PBX1: variants seen among roughly 807,000 people sequenced by gnomAD.
PBX1 encodes pre-B-cell leukemia transcription factor 1.
In PBX1, 6 loss-of-function variants were observed where a neutral mutation model predicts 53.4. The ratio of observed to expected loss-of-function variants is 0.11; its 90% CI spans 0.06 to 0.22. PBX1 has a LOEUF of 0.22. Ranked by LOEUF, PBX1 falls within the 10% of genes least tolerant of loss-of-function variation. PBX1 has a pLI of 1.00. For synonymous variants in PBX1, 204 were observed against 212.3 expected (o/e 0.96, Z 0.34); for missense variants, 251 against 551.4 (o/e 0.46, Z 5.46).
intron 2 of PBX1, among the ~76,000 whole-genome samples, chr1:164,755,725 A>G (rs943534756): frequency 6.6e-6 from 1 of 152,122 alleles, no homozygotes; most frequent in East Asian, 1.9e-4. Context: ...CTTTGCAGAG[A>G]TGGATGAGAC....
chr1:164,619,038 G>A (rs1657497631), intron 2 of PBX1, among the ~76,000 whole-genome samples: 1 of 152,186 alleles, frequency 6.6e-6, no homozygotes, highest in Non-Finnish European at 1.5e-5. Context: ...CCAGTAAGCA[G>A]AGAAAAGGGT....
At chr1:164,653,614 A>T (rs1659971337) in intron 2 of PBX1, among the ~76,000 whole-genome samples, 1 of 152,108 alleles carries the variant, frequency 6.6e-6, no homozygotes, top group Non-Finnish European at 1.5e-5. Context: ...CTACTAAAAA[A>T]CAAAAATTAG....
chr1:164,797,603 C>T (rs898900495), intron 3 of PBX1, among the ~76,000 whole-genome samples: 3 of 152,040 alleles, frequency 2.0e-5, no homozygotes, highest in Non-Finnish European at 4.4e-5. Flanking sequence ...TCTGTATAGG[C>T]CCACAGAGTA....
intron 2 of PBX1, chr1:164,626,209 C>T (rs1658031066): frequency 1.8e-6 from 1 of 549,462 alleles, no homozygotes; most frequent in Non-Finnish European, 2.4e-6. Flanking sequence ...GTTGAGGGAA[C>T]CACACATCTA....
rs931557116 is a variant in PBX1, at chr1:164,658,623, T to C, written c.265+95312T>C. The stretch of plus-strand genomic sequence containing the variant: ...CATGGTTCTTAGAGTCAAAACTGTT[T>C]GGCATTCCAGCCTGCTACATATCTA... On this transcript the variant is annotated intron_variant, in intron 2 of 8. Coordinates refer to ENST00000420696, the MANE Select transcript of PBX1 (RefSeq NM_002585.4). Among the ~76,000 whole-genome samples, 3 of 152,200 alleles carry C rather than the reference T, an allele frequency of 2.0e-5. No individual in the cohort carries two copies. In the South Asian group the frequency reaches 6.2e-4, roughly 32 times the overall value.
intron 3 of PBX1, among the ~76,000 whole-genome samples, chr1:164,799,364 G>A (rs1668948249): frequency 6.6e-6 from 1 of 152,030 alleles, no homozygotes; most frequent in African/African-American, 2.4e-5. Flanking sequence ...GGTGGCGGGC[G>A]CCTGTAGTCC....
At chr1:164,580,118 G>A (rs1654507089) in intron 2 of PBX1, among the ~76,000 whole-genome samples, 1 of 152,102 alleles carries the variant, frequency 6.6e-6, no homozygotes, top group Non-Finnish European at 1.5e-5. Context: ...AAATTGTCTG[G>A]CTCTACTCAT....
At chr1:164,700,254 A>G (rs1262807153) in intron 2 of PBX1, among the ~76,000 whole-genome samples, 1 of 152,154 alleles carries the variant, frequency 6.6e-6, no homozygotes. Context: ...CATTCTTAAT[A>G]ACACTGTATT....
chr1:164,829,035 A>G (rs1002233022), intron 8 of PBX1: 3 of 152,220 alleles, frequency 2.0e-5, no homozygotes, highest in African/African-American at 4.8e-5. Context: ...GTAAATAAAA[A>G]TGCCTTATTC....
intron 2 of PBX1, among the ~76,000 whole-genome samples, chr1:164,620,216 T>C (rs1429092842): frequency 6.6e-6 from 1 of 152,108 alleles, no homozygotes; most frequent in South Asian, 2.1e-4. Flanking sequence ...TAGAAAAACA[T>C]GAACTTCTTT....
chr1:164,651,624 A>T (rs939275062), intron 2 of PBX1, among the ~76,000 whole-genome samples: 1 of 151,998 alleles, frequency 6.6e-6, no homozygotes, highest in African/African-American at 2.4e-5. Context: ...ACACATAAAC[A>T]ACCCTCCAAA....
intron 2 of PBX1, among the ~76,000 whole-genome samples, chr1:164,564,774 C>A (rs1364855048): frequency 1.3e-5 from 2 of 151,544 alleles, no homozygotes; most frequent in African/African-American, 4.8e-5. Context: ...TTTTTAGTTT[C>A]TTTTTTCTAT....
At chr1:164,564,405 ATG>A (rs1167280055) in intron 2 of PBX1, among the ~76,000 whole-genome samples, 2 of 152,142 alleles carry the variant, frequency 1.3e-5, no homozygotes, top group Middle Eastern at 3.4e-3. Flanking sequence ...CACATAAAAA[ATG>A]GGCGGGGGGA....
chr1:164,853,507 GGA>G, downstream of PBX1, among the ~76,000 whole-genome samples: 1 of 152,272 alleles, frequency 6.6e-6, no homozygotes, highest in Non-Finnish European at 1.5e-5. Flanking sequence ...ATCAAGAGAG[GGA>G]TTTAACAGGG....
At chr1:164,838,228 C>A (rs1199020516) in intron 8 of PBX1, among the ~76,000 whole-genome samples, 1 of 152,132 alleles carries the variant, frequency 6.6e-6, no homozygotes, top group Non-Finnish European at 1.5e-5. Context: ...GAACATGGAT[C>A]AGATATACCA....
chr1:164,677,791 A>T (rs1379621743), intron 2 of PBX1, among the ~76,000 whole-genome samples: 1 of 152,092 alleles, frequency 6.6e-6, no homozygotes, highest in African/African-American at 2.4e-5. Context: ...GTACTTTGGC[A>T]AGGGAAGAGG....
intron 2 of PBX1, among the ~76,000 whole-genome samples, chr1:164,767,888 G>A (rs1571366209): frequency 6.6e-6 from 1 of 152,082 alleles, no homozygotes; most frequent in East Asian, 1.9e-4. Flanking sequence ...AAAAACCACA[G>A]GGTATTTAAA....
Position 164,849,249 on chromosome 1 carries a change from C to A in PBX1, c.*2573C>A. On this transcript the variant is annotated 3_prime_UTR_variant, in exon 9 of 9. Transcript: ENST00000420696. ...CAGAACAGGGCTACATTTGCACAGG[C>A]AGTTTCTCTCCGGGCCGTAGTTTTC... 6.6e-7 allele frequency: 1 copy of A among 1,519,318 alleles called. No individual in the cohort carries two copies. Among genetic ancestry groups the A allele is most frequent in the South Asian group, 1.2e-5 (1 of 80,900 alleles). The allele number at this position is 1,519,318 out of a possible 1,614,324, so 94.1% of individuals were successfully genotyped here. A position where few individuals can be genotyped will look rare whatever the true frequency, so the allele number is the denominator to read the frequency against.
chr1:164,713,526 A>T, intron 2 of PBX1, among the ~76,000 whole-genome samples: 1 of 152,080 alleles, frequency 6.6e-6, no homozygotes. Context: ...TTTACTCTCT[A>T]TTCTGTCTCT....
Sources: allele counts gnomAD v4.1 joint callset (sites outside exome capture counted in the v4.1 genomes callset), GRCh38; gene constraint gnomAD v4.1.1; transcripts MANE v1.5; gene names NCBI Gene and HGNC (gene_info 2026-07-23, HGNC 2026-07-21).